The following CFAP20DC variants were observed in gnomAD, a reference collection of about 807,000 sequenced individuals.
The protein encoded by CFAP20DC is CFAP20 domain containing.
CFAP20DC carries 84 observed loss-of-function variants against 101.7 expected under a neutral mutation model. That is an observed-to-expected ratio of 0.83 (90% CI 0.69 to 0.99). The LOEUF is 0.99. Ranked by LOEUF, CFAP20DC falls within the 50% of genes least tolerant of loss-of-function variation. The probability of loss-of-function intolerance (pLI) is 0.00; values close to 1 mark genes in which losing one functional copy is unlikely to be tolerated. For synonymous variants in CFAP20DC, 359 were observed against 351.2 expected (o/e 1.02, Z -0.25); for missense variants, 1,007 against 970.3 (o/e 1.04, Z -0.50).
In CFAP20DC at chr3:58,863,074, C is replaced by T. The variant is rs1386688579; in HGVS notation, c.1593+484G>A. ...CTCATTATCTAAACTTTAATTGGCA[C>T]AACTCTTCAAATTCTGGGACCATAT... On this transcript the variant is annotated intron_variant, in intron 12 of 16. Coordinates refer to ENST00000482387, the MANE Select transcript of CFAP20DC (RefSeq NM_001394063.1). This position sits in a 1 kb window ranked among gnomAD's most constrained non-coding sequence, Gnocchi z 5.9. The T allele has an allele frequency of 2.0e-6, 2 of 993,580 alleles. No homozygotes were observed. The highest frequency in any genetic ancestry group is 4.7e-5 in the South Asian group (1 of 21,426). 61.5% of individuals were successfully genotyped at this position (993,580 alleles called of 1,614,324 possible).
chr3:58,994,744 C>A (rs1472360874), intron 4 of CFAP20DC, among the ~76,000 whole-genome samples: 12 of 149,626 alleles, frequency 8.0e-5, no homozygotes, highest in Admixed American at 8.0e-4. Flanking sequence ...TTCAAACATG[C>A]AATTAGCAGG....
chr3:58,935,383 A>C (rs2087402818), intron 5 of CFAP20DC, among the ~76,000 whole-genome samples: 1 of 152,086 alleles, frequency 6.6e-6, no homozygotes, highest in South Asian at 2.1e-4. Context: ...CATCCCCATC[A>C]AGCTACCAAT....
At chr3:58,905,027 A>C (rs1218824049) in intron 6 of CFAP20DC, among the ~76,000 whole-genome samples, 1 of 152,160 alleles carries the variant, frequency 6.6e-6, no homozygotes, top group Non-Finnish European at 1.5e-5. Context: ...AAAACATGAA[A>C]ATACAGGGTC....
intron 5 of CFAP20DC, among the ~76,000 whole-genome samples, chr3:58,927,115 A>G (rs1006254078): frequency 1.3e-5 from 2 of 152,232 alleles, no homozygotes; most frequent in Admixed American, 6.5e-5. Context: ...ACCCAAGTTA[A>G]AAGCATAAAT....
chr3:58,951,130 T>A (rs1404398268), intron 4 of CFAP20DC, among the ~76,000 whole-genome samples: 1 of 152,020 alleles, frequency 6.6e-6, no homozygotes, highest in African/African-American at 2.4e-5. Flanking sequence ...AGAAGACATT[T>A]ATGCAGCCAA....
At chr3:58,930,095 TC>T (rs1232167979) in intron 5 of CFAP20DC, among the ~76,000 whole-genome samples, 1 of 152,172 alleles carries the variant, frequency 6.6e-6, no homozygotes, top group Non-Finnish European at 1.5e-5. Context: ...CTGACCACTC[TC>T]CTTTTACTCT....
At chr3:58,923,170 G>C (rs907982968) in intron 5 of CFAP20DC, among the ~76,000 whole-genome samples, 6 of 151,964 alleles carry the variant, frequency 3.9e-5, no homozygotes, top group African/African-American at 1.5e-4. Flanking sequence ...GCCTCCCATA[G>C]TGCTGGGATT....
At chr3:58,984,542 C>A (rs1037684269) in intron 4 of CFAP20DC, among the ~76,000 whole-genome samples, 1 of 152,142 alleles carries the variant, frequency 6.6e-6, no homozygotes, top group Non-Finnish European at 1.5e-5. Flanking sequence ...TCTTGCCTTG[C>A]AAGATTTAAT....
At chr3:58,870,619 T>A (rs1364517497) in intron 7 of CFAP20DC, among the ~76,000 whole-genome samples, 13 of 148,962 alleles carry the variant, frequency 8.7e-5, no homozygotes, top group Non-Finnish European at 1.6e-4. Flanking sequence ...CCGGGCGCGG[T>A]GGCTCACGCC....
chr3:58,926,571 A>G (rs565816672), intron 5 of CFAP20DC, among the ~76,000 whole-genome samples: 1 of 152,258 alleles, frequency 6.6e-6, no homozygotes, highest in African/African-American at 2.4e-5. Context: ...TGCCTCCTCC[A>G]TTCCCTTCTC....
At chr3:58,979,428 T>G (rs2092425133) in intron 4 of CFAP20DC, among the ~76,000 whole-genome samples, 1 of 152,258 alleles carries the variant, frequency 6.6e-6, no homozygotes, top group African/African-American at 2.4e-5. Context: ...TAGCTGTTAC[T>G]AAGTTTTATT....
chr3:58,838,417 C>G (rs564458939), intron 13 of CFAP20DC, among the ~76,000 whole-genome samples: 25 of 152,084 alleles, frequency 1.6e-4, no homozygotes, highest in Non-Finnish European at 2.4e-4. Context: ...ATTTCATAAG[C>G]CTGGCTCAAC....
At chr3:58,980,079 G>A (rs1325124106) in intron 4 of CFAP20DC, among the ~76,000 whole-genome samples, 1 of 152,102 alleles carries the variant, frequency 6.6e-6, no homozygotes, top group Non-Finnish European at 1.5e-5. Flanking sequence ...TGCCATAGTT[G>A]AAAGCCTGAT....
Position 58,806,433 on chromosome 3 carries a change from A to G in CFAP20DC, c.2199T>C (p.Tyr733=), listed in dbSNP as rs1225816144. The G allele has an allele frequency of 6.2e-7, 1 of 1,612,134 alleles. No individual in the cohort carries two copies. The highest frequency in any genetic ancestry group is 1.3e-5 in the African/African-American group (1 of 74,796). ...GAGAAGGTGGGTTCATTTCTTTCTG[A>G]TAGTGGCGACCCTGGTTGACAGGCT... The part of the protein sequence containing the change: ...LPPPVNQGRH[Y]QKEMNPPSPS... The change falls in exon 15 of 17, where the codon TAT becomes TAC. Residue 733 remains tyrosine, a synonymous_variant. Transcript: ENST00000482387.
rs1285955637 is a variant in CFAP20DC, at chr3:58,728,998, C to G, written c.198-11370G>C. ...CTTTGTGGCTTCTTGGATCATTTCT[C>G]TGAAGGAAGCCAACCACAATGTTTC... On this transcript the variant is annotated intron_variant, in intron 3 of 3. Transcript: ENST00000486145. This position sits in a 1 kb window ranked among gnomAD's most constrained non-coding sequence, Gnocchi z 4.7. Among the ~76,000 whole-genome samples the G allele has an allele frequency of 6.6e-6, 1 of 152,142 alleles. No homozygotes were observed. The highest frequency in any genetic ancestry group is 1.5e-5 in the Non-Finnish European group (1 of 68,016).
intron 4 of CFAP20DC, among the ~76,000 whole-genome samples, chr3:58,967,078 G>C (rs1300321254): frequency 6.6e-6 from 1 of 152,170 alleles, no homozygotes; most frequent in Non-Finnish European, 1.5e-5. Context: ...AACAAAGTTG[G>C]AGGACTCCCA....
rs1486009840 is a variant in CFAP20DC at position 58,787,261 on chromosome 3, T to G, written c.2237+19134A>C. Among the ~76,000 whole-genome samples the G allele has an allele frequency of 3.5e-5, 5 of 144,866 alleles. No homozygotes were observed. The East Asian group carries it at 1.0e-3, about 30-fold the overall frequency. ...AGAACAAAAAACCAAACACTGCATA[T>G]TCTCACTCATAGGTGGGAATTGAAC... On this transcript the variant is annotated intron_variant, in intron 15 of 16. Transcript: ENST00000482387.
chr3:58,947,428 T>C (rs1279882072), intron 4 of CFAP20DC, among the ~76,000 whole-genome samples: 3 of 152,190 alleles, frequency 2.0e-5, no homozygotes, highest in African/African-American at 7.2e-5. Flanking sequence ...AAATGCCACA[T>C]AAGCTACAAA....
At chr3:58,993,275 A>C (rs2108641524) in intron 4 of CFAP20DC, among the ~76,000 whole-genome samples, 1 of 152,328 alleles carries the variant, frequency 6.6e-6, no homozygotes, top group East Asian at 1.9e-4. Flanking sequence ...TTGTAAAAAG[A>C]GCATTCTGTC....
Sources: allele counts gnomAD v4.1 joint callset (sites outside exome capture counted in the v4.1 genomes callset), GRCh38; gene constraint gnomAD v4.1.1; non-coding constraint Gnocchi (gnomAD v3.1); transcripts MANE v1.5; gene names NCBI Gene and HGNC (gene_info 2026-07-23, HGNC 2026-07-21).